The following ATL2 variants were observed in gnomAD, a reference collection of about 807,000 sequenced individuals.
ATL2 encodes atlastin-2.
A neutral mutation model predicts 73.9 loss-of-function variants in ATL2; 31 were observed. That is an observed-to-expected ratio of 0.42 (90% CI 0.32 to 0.57). ATL2 has a LOEUF of 0.57. Ranked by LOEUF, ATL2 falls within the 20% of genes least tolerant of loss-of-function variation. The pLI is 0.14. For missense variants in ATL2, 738 were observed against 702.6 expected (o/e 1.05, Z -0.57); for synonymous variants, 291 against 237.5 (o/e 1.23, Z -2.07).
intron 2 of ATL2, among the ~76,000 whole-genome samples, chr2:38,319,617 G>A (rs1359522211): frequency 2.3e-5 from 2 of 87,218 alleles, no homozygotes; most frequent in Non-Finnish European, 4.3e-5. Context: ...AAAAAAAAAA[G>A]AGAGAGAGAG....
intron 1 of ATL2, chr2:38,354,064 C>A: frequency 3.1e-6 from 1 of 322,562 alleles, no homozygotes. Context: ...TGGTGGCACG[C>A]ACCTGTAATC....
intron 2 of ATL2, among the ~76,000 whole-genome samples, chr2:38,325,690 ACACACC>A (rs1304205180): frequency 5.0e-5 from 3 of 59,644 alleles, no homozygotes; most frequent in Non-Finnish European, 8.0e-5. Context: ...ACACACACAC[ACACACC>A]AGTACACACA....
At chr2:38,310,136 C>T (rs1302862453) in intron 8 of ATL2, among the ~76,000 whole-genome samples, 173 bp downstream of exon 8, 2 of 152,184 alleles carry the variant, frequency 1.3e-5, no homozygotes, top group Non-Finnish European at 2.9e-5. Context: ...CAGCTGCAAA[C>T]AAATCAATGG....
Position 38,299,252 on chromosome 2 carries a change from A to C in ATL2, c.1200+4T>G. 2.0e-6 allele frequency: 3 copies of C among 1,504,954 alleles called. No individual in the cohort carries two copies. Among genetic ancestry groups the C allele is most frequent in the Non-Finnish European group, 2.6e-6 (3 of 1,136,504 alleles). 93.2% of individuals were successfully genotyped at this position (1,504,954 alleles called of 1,614,324 possible). A position where few individuals can be genotyped will look rare whatever the true frequency, so the allele number is the denominator to read the frequency against. On this transcript the variant is annotated splice_donor_region_variant and intron_variant, in intron 11 of 12. Transcript: ENST00000378954. ...AGCATCAAATTTAAATTTTAGGTAC[A>C]AACCTGTTCCATACTTTTACAATAG...
chr2:38,298,650 A>G, intron 11 of ATL2, 75 bp from the exon 12 acceptor site: 1 of 1,460,902 alleles, frequency 6.8e-7, no homozygotes, highest in Non-Finnish European at 9.3e-7. Flanking sequence ...CATAGTTTTT[A>G]GTCTCAGAAA....
At chr2:38,325,693 C>CCACA in intron 2 of ATL2, among the ~76,000 whole-genome samples, 1 of 60,586 alleles carries the variant, frequency 1.7e-5, no homozygotes, top group Non-Finnish European at 2.7e-5. Context: ...CACACACACA[C>CCACA]ACCAGTACAC....
At chr2:38,355,207 A>G (rs1334309260) in intron 1 of ATL2, among the ~76,000 whole-genome samples, 6 of 151,676 alleles carry the variant, frequency 4.0e-5, no homozygotes, top group Non-Finnish European at 1.5e-5. Context: ...GCTCACTACA[A>G]CCTCCGCCTC....
chr2:38,316,701 A>G (rs1269069614), intron 4 of ATL2, among the ~76,000 whole-genome samples: 1 of 152,220 alleles, frequency 6.6e-6, no homozygotes, highest in Non-Finnish European at 1.5e-5. Context: ...CATCCAAGAT[A>G]GGCAAGATGA....
intron 7 of ATL2, among the ~76,000 whole-genome samples, chr2:38,310,783 G>A (rs1175011312): frequency 4.0e-5 from 6 of 151,742 alleles, no homozygotes; most frequent in African/African-American, 1.2e-4. Flanking sequence ...GATTACAGGC[G>A]TGCACCACCA....
chr2:38,307,939 A>G (rs1667540677), intron 9 of ATL2, among the ~76,000 whole-genome samples: 1 of 152,228 alleles, frequency 6.6e-6, no homozygotes, highest in Admixed American at 6.5e-5. Flanking sequence ...GTTTTTATCC[A>G]AAAGACAGGC....
intron 1 of ATL2, among the ~76,000 whole-genome samples, chr2:38,346,647 G>A (rs115575166): frequency 0.011 from 1,607 of 152,272 alleles, 12 homozygotes; most frequent in Non-Finnish European, 0.017. Flanking sequence ...TCCCTCACAC[G>A]TGCAGTTCAC....
intron 1 of ATL2, among the ~76,000 whole-genome samples, chr2:38,357,583 C>T (rs781413825): frequency 8.9e-4 from 120 of 135,238 alleles, no homozygotes; most frequent in Non-Finnish European, 5.5e-4. Context: ...ACCCGGGAGG[C>T]GGAGCTTGCA....
chr2:38,306,179 C>T (rs1667437519), intron 9 of ATL2, among the ~76,000 whole-genome samples: 1 of 152,140 alleles, frequency 6.6e-6, no homozygotes, highest in African/African-American at 2.4e-5. Flanking sequence ...ATACAACCTA[C>T]CAAGATTGAT....
rs1442471054 is a variant in ATL2, at chr2:38,372,154, A to G, written c.118+4989T>C. On this transcript the variant is annotated intron_variant, in intron 1 of 12. Transcript: ENST00000378954. Reference sequence around the variant, plus strand: ...TTTTTTTTTTTTGGCAATCCTGTGCATAACAGACCCAAGTTAGATTTTGCA... The same window carrying G: ...TTTTTTTTTTTTGGCAATCCTGTGCGTAACAGACCCAAGTTAGATTTTGCA... Among the ~76,000 whole-genome samples, 4 of 138,450 alleles carry G rather than the reference A, an allele frequency of 2.9e-5. No individual in the cohort carries two copies. The East Asian group carries it at 6.1e-4, about 21-fold the overall frequency. 90.8% of individuals were successfully genotyped at this position (138,450 alleles called of 152,430 possible).
chr2:38,297,905 G>C (rs1333199646), intron 12 of ATL2: 1 of 394,420 alleles, frequency 2.5e-6, no homozygotes, highest in Admixed American at 4.1e-5. Flanking sequence ...ATACAATCAG[G>C]CCTACAACTA....
At chr2:38,334,870 AAT>A (rs1491379092) in intron 2 of ATL2, among the ~76,000 whole-genome samples, 1 of 40,454 alleles carries the variant, frequency 2.5e-5, no homozygotes, top group Non-Finnish European at 8.5e-5. Context: ...TATATTATAT[AAT>A]ATATATTATA....
chr2:38,341,544 G>C (rs560552588), intron 2 of ATL2, among the ~76,000 whole-genome samples: 12 of 152,088 alleles, frequency 7.9e-5, no homozygotes, highest in Admixed American at 6.6e-4. Context: ...AGGCTGAGGT[G>C]GGAGGATCAC....
chr2:38,334,028 CTTTTTTTTTT>C lies in ATL2; in HGVS notation c.363+9230_363+9239del, dbSNP rs34303299. 3.3e-5 allele frequency among the ~76,000 whole-genome samples: 4 copies of C among 121,626 alleles called. No homozygotes were observed. The East Asian group carries it at 8.9e-4, about 27-fold the overall frequency. 79.8% of individuals were successfully genotyped at this position (121,626 alleles called of 152,430 possible). On this transcript the variant is annotated intron_variant, in intron 2 of 12. Transcript: ENST00000378954. The stretch of plus-strand genomic sequence containing the variant: ...CCACATAACCTCTGTATCCAATCCT[CTTTTTTTTTT>C]TTTTTTTTTGAGACAGAGTCTCACT...
At chr2:38,352,285 T>G (rs950715387) in intron 1 of ATL2, among the ~76,000 whole-genome samples, 4 of 152,074 alleles carry the variant, frequency 2.6e-5, no homozygotes, top group African/African-American at 9.7e-5. Flanking sequence ...TTCTAGTCAT[T>G]AGAGTAACTG....
Sources: gnomAD v4.1 joint callset for allele counts (sites outside exome capture counted in the v4.1 genomes callset) on GRCh38, gnomAD v4.1.1 for gene constraint, MANE v1.5 for transcripts, NCBI Gene and HGNC (gene_info 2026-07-23, HGNC 2026-07-21) for gene names.